GLI3: variants seen among roughly 807,000 people sequenced by gnomAD.
GLI3 encodes the protein transcription activator GLI3.
GLI3 carries 20 observed loss-of-function variants against 100.8 expected under a neutral mutation model. That is an observed-to-expected ratio of 0.20 (90% CI 0.14 to 0.29). GLI3 has a LOEUF of 0.29. GLI3 is among the 10% of genes least tolerant of loss of function. The probability of loss-of-function intolerance (pLI) is 1.00; values close to 1 mark genes in which losing one functional copy is unlikely to be tolerated. For missense variants in GLI3, 2,040 were observed against 2,128.5 expected (o/e 0.96, Z 0.82); for synonymous variants, 938 against 860.5 (o/e 1.09, Z -1.58).
At chr7:42,099,390 T>C (rs1347792773) in intron 3 of GLI3, among the ~76,000 whole-genome samples, 2 of 152,238 alleles carry the variant, frequency 1.3e-5, no homozygotes, top group Admixed American at 6.5e-5. Flanking sequence ...ATTCAATCAA[T>C]ACATGAAATA....
intron 4 of GLI3, among the ~76,000 whole-genome samples, chr7:42,055,569 T>C (rs1784443406): frequency 6.6e-6 from 1 of 152,098 alleles, no homozygotes; most frequent in Admixed American, 6.5e-5. Flanking sequence ...CAGCCCTCAC[T>C]GAATCACTTT....
chr7:42,160,509 T>A (rs1205779767), intron 2 of GLI3, among the ~76,000 whole-genome samples: 1 of 152,124 alleles, frequency 6.6e-6, no homozygotes, highest in Non-Finnish European at 1.5e-5. Flanking sequence ...TGAAACAAAG[T>A]TTTGACAGCA....
intron 2 of GLI3, among the ~76,000 whole-genome samples, chr7:42,160,566 C>T (rs761675914): frequency 3.9e-5 from 6 of 152,182 alleles, no homozygotes; most frequent in Non-Finnish European, 8.8e-5. Context: ...TGTGGCATCA[C>T]GTTGGTGCTC....
Position 41,965,346 on chromosome 7 carries a change from C to T in GLI3, c.3727G>A (p.Ala1243Thr), listed in dbSNP as rs1404736446. The change falls in exon 15 of 15, where the codon GCC (alanine) becomes ACC (threonine). Residue 1243 changes from alanine (A) to threonine (T), a missense_variant. Coordinates refer to ENST00000395925, the MANE Select transcript of GLI3 (RefSeq NM_000168.6). ...NSPGSGTSGN[A>T]FHEQPCKAPQ... ...GCCTTACAGGGCTGTTCATGGAAGG[C>T]GTTTCCACTGGTGCCACTTCCGGGG... 2 of 1,613,544 alleles carry T rather than the reference C, an allele frequency of 1.2e-6. No homozygotes were observed. Among genetic ancestry groups the T allele is most frequent in the African/African-American group, 2.7e-5 (2 of 74,908 alleles).
intron 2 of GLI3, 188 bp downstream of exon 2, chr7:42,222,942 T>A: frequency 1.5e-6 from 1 of 658,484 alleles, no homozygotes; most frequent in East Asian, 2.7e-5. Context: ...AACGTGTAGG[T>A]TGAGTGCCAA....
At position 42,246,365 on chromosome 7, in the gene GLI3, C is replaced by T. The variant is rs190007967; in HGVS notation, c.-43+17629G>A. 9.8e-4 allele frequency among the ~76,000 whole-genome samples: 150 copies of T among 152,306 alleles called. 1 individual carries two copies. Among genetic ancestry groups the T allele is most frequent in the African/African-American group, 3.3e-3 (139 of 41,574 alleles). ...CAAACCCAACTCCTGGGTTTGGACA[C>T]TGCTTTTCAATCTTCCCAGTTTTAA... On this transcript the variant is annotated intron_variant, in intron 1 of 2. Transcript: ENST00000678978.
At chr7:42,101,184 T>C (rs1360458841) in intron 3 of GLI3, among the ~76,000 whole-genome samples, 3 of 152,220 alleles carry the variant, frequency 2.0e-5, no homozygotes, top group Admixed American at 6.5e-5. Flanking sequence ...GAGGAAAGCA[T>C]GTGCAGTATG....
At chr7:41,995,127 A>G (rs1788088001) in intron 10 of GLI3, among the ~76,000 whole-genome samples, 1 of 152,222 alleles carries the variant, frequency 6.6e-6, no homozygotes, top group South Asian at 2.1e-4. Flanking sequence ...TACATGCAAA[A>G]TGATGTCTGT....
chr7:42,048,613 G>C lies in GLI3; in HGVS notation c.557C>G (p.Ser186Cys). 6.2e-7 allele frequency: 1 copy of C among 1,611,678 alleles called. No homozygotes were observed. Among genetic ancestry groups the C allele is most frequent in the Non-Finnish European group, 8.5e-7 (1 of 1,179,244 alleles). The change falls in exon 5 of 15, where the codon TCC becomes TGC. Residue 186 changes from serine to cysteine, a missense_variant. By Grantham distance (112) the Ser-to-Cys change is moderately radical (BLOSUM62 -1). Around this residue, in one of 5 missense-constraint regions of GLI3, gnomAD observed 603 missense variants for 690.9 expected, o/e 0.87. Transcript: ENST00000395925. Reference sequence around the variant, plus strand: ...ATGTGGAGGGCTGAAGGGAGACTCGGAAGCAGCAGTGGGGTTCCGGTGTGG... The same window carrying C: ...ATGTGGAGGGCTGAAGGGAGACTCGCAAGCAGCAGTGGGGTTCCGGTGTGG... Reference protein sequence around the residue: ...ISPHRNPTAASESPFSPPHPY... With the variant: ...ISPHRNPTAACESPFSPPHPY...
intron 1 of GLI3, among the ~76,000 whole-genome samples, chr7:42,234,337 A>T (rs1240139203): frequency 6.6e-6 from 1 of 152,172 alleles, no homozygotes; most frequent in Admixed American, 6.5e-5. Flanking sequence ...AGGAGGAAGG[A>T]CCTCTAAATG....
rs1232568652 is a variant in GLI3, at chr7:41,961,896, A to G, written c.*2434T>C. On this transcript the variant is annotated 3_prime_UTR_variant, in exon 15 of 15. Transcript: ENST00000395925. ...TCCTCTGTCCTTCTGAAATTTCCAT[A>G]TTGAGAGAAGCCAAACATTGAGCTG... 1.3e-5 allele frequency: 2 copies of G among 152,136 alleles called. No individual in the cohort carries two copies. The highest frequency in any genetic ancestry group is 2.9e-5 in the Non-Finnish European group (2 of 68,022). 9.4% of individuals were successfully genotyped at this position (152,136 alleles called of 1,614,324 possible).
At chr7:42,126,939 G>A (rs142256075) in intron 3 of GLI3, among the ~76,000 whole-genome samples, 22 of 152,288 alleles carry the variant, frequency 1.4e-4, no homozygotes, top group African/African-American at 5.1e-4. Context: ...GAGAACCCCA[G>A]AGAAAAACCC....
At chr7:42,134,088 A>G (rs930960489) in intron 3 of GLI3, among the ~76,000 whole-genome samples, 1 of 151,648 alleles carries the variant, frequency 6.6e-6, no homozygotes, top group South Asian at 2.1e-4. Context: ...CTCAAAAAAA[A>G]AAAAAAAGAA....
At position 42,143,372 on chromosome 7, in the gene GLI3, CA is replaced by C. The variant is rs1786619197; in HGVS notation, c.367+4853del. Among the ~76,000 whole-genome samples, 4 of 152,352 alleles carry C rather than the reference CA, an allele frequency of 2.6e-5. No individual in the cohort carries two copies. The South Asian group carries it at 8.3e-4, about 32-fold the overall frequency. On this transcript the variant is annotated intron_variant, in intron 3 of 14. Coordinates refer to ENST00000395925, the MANE Select transcript of GLI3 (RefSeq NM_000168.6). ...CACTGCCTTTGCAGTTTGGTCAAGACAAAACTGTTCATTTATGCCTCTTAGG... is the reference window on the plus strand; with the variant it reads ...CACTGCCTTTGCAGTTTGGTCAAGACAAACTGTTCATTTATGCCTCTTAGG...
chr7:42,076,846 G>T lies in GLI3; in HGVS notation c.379C>A (p.Leu127Ile). 6.2e-7 allele frequency: 1 copy of T among 1,606,922 alleles called. No individual in the cohort carries two copies. The highest frequency in any genetic ancestry group is 8.5e-7 in the Non-Finnish European group (1 of 1,173,430). The change falls in exon 4 of 15, where the codon CTT (leucine) becomes ATT (isoleucine). Residue 127 changes from leucine (L) to isoleucine (I), a missense_variant. Physicochemically the swap from Leu to Ile is conservative, Grantham distance 5 (BLOSUM62 2). Around this residue, in one of 5 missense-constraint regions of GLI3, gnomAD observed 603 missense variants for 690.9 expected, o/e 0.87. Coordinates refer to ENST00000395925, the MANE Select transcript of GLI3 (RefSeq NM_000168.6). The part of the protein sequence containing the change: ...YMEPHYHPPH[L>I]FPAFHPPVPI... The stretch of plus-strand genomic sequence containing the variant: ...ACAGGAGGATGGAAGGCAGGGAAAA[G>T]ATGAGGAGGGTCTGAAAAGAAGAGA...
chr7:42,104,240 G>A (rs1785527445), intron 3 of GLI3, among the ~76,000 whole-genome samples: 1 of 152,186 alleles, frequency 6.6e-6, no homozygotes, highest in Admixed American at 6.5e-5. Context: ...TAAAGATGTT[G>A]TCAGAAAAGA....
intron 1 of GLI3, among the ~76,000 whole-genome samples, chr7:42,243,515 G>C (rs1483391018): frequency 6.6e-6 from 1 of 152,156 alleles, no homozygotes; most frequent in Non-Finnish European, 1.5e-5. Context: ...ATCATTACTA[G>C]CTTTGTCACT....
intron 3 of GLI3, among the ~76,000 whole-genome samples, chr7:42,101,283 T>C (rs999918695): frequency 2.0e-5 from 3 of 152,182 alleles, no homozygotes; most frequent in Admixed American, 2.0e-4. Context: ...TCTCCTACTG[T>C]ATTTAGGCAT....
chr7:42,211,173 G>A (rs1181721985), intron 2 of GLI3, among the ~76,000 whole-genome samples: 1 of 152,084 alleles, frequency 6.6e-6, no homozygotes, highest in African/African-American at 2.4e-5. Context: ...TAAGACGGTA[G>A]CTATTTTTTT....
Sources: gnomAD v4.1 joint callset for allele counts (sites outside exome capture counted in the v4.1 genomes callset) on GRCh38, gnomAD v4.1.1 for gene constraint, gnomAD v4.1.1 regional missense constraint, MANE v1.5 for transcripts, NCBI Gene and HGNC (gene_info 2026-07-23, HGNC 2026-07-21) for gene names.